Variants in LPIN2 observed in about 807,000 individuals in gnomAD.
The protein encoded by LPIN2 is phosphatidate phosphatase LPIN2.
Under a neutral mutation model 111.4 loss-of-function variants are expected in LPIN2, and 55 were observed. The ratio of observed to expected loss-of-function variants is 0.49; its 90% CI spans 0.40 to 0.62. The LOEUF is 0.62. LPIN2 is among the 20% of genes least tolerant of loss of function. The pLI, the probability that LPIN2 is intolerant of heterozygous loss-of-function variation, is 0.00. For missense variants in LPIN2, 992 were observed against 1,112.1 expected (o/e 0.89, Z 1.54); for synonymous variants, 425 against 414.0 (o/e 1.03, Z -0.32).
intron 4 of LPIN2, among the ~76,000 whole-genome samples, chr18:2,949,586 G>C (rs1323399602): frequency 6.6e-6 from 1 of 152,064 alleles, no homozygotes; most frequent in Non-Finnish European, 1.5e-5. Flanking sequence ...CAGCTAGTGA[G>C]CAATAAAACA....
At chr18:2,924,695 G>A (rs924417956) in intron 14 of LPIN2, 149 bp from the exon 15 acceptor site, 24 of 801,334 alleles carry the variant, frequency 3.0e-5, no homozygotes, top group Middle Eastern at 3.4e-4. Flanking sequence ...TGTGCCCAGC[G>A]CAGCTGACAA....
intron 4 of LPIN2, chr18:2,946,313 G>C: frequency 2.0e-6 from 3 of 1,517,974 alleles, no homozygotes; most frequent in Non-Finnish European, 2.7e-6. Flanking sequence ...CTTGACCTCA[G>C]GTTTGACTGG....
At chr18:2,984,644 C>A (rs540199000) in intron 1 of LPIN2, among the ~76,000 whole-genome samples, 1 of 152,022 alleles carries the variant, frequency 6.6e-6, no homozygotes, top group African/African-American at 2.4e-5. Flanking sequence ...AGAAAATATT[C>A]AACTGGATAG....
At chr18:3,003,433 C>T (rs527884776) in intron 1 of LPIN2, among the ~76,000 whole-genome samples, 1 of 152,264 alleles carries the variant, frequency 6.6e-6, no homozygotes, top group Non-Finnish European at 1.5e-5. Flanking sequence ...TGAACTGTTG[C>T]AGGAAGTCAG....
At position 2,920,438 on chromosome 18, in the gene LPIN2, C is replaced by G; in HGVS notation, c.2547-1G>C. ...CACGAGCTCACTCAGCCTGTGATAC[C>G]TAAGAGAAAGGTTGGGGAAGAGGCA... On this transcript the variant is annotated splice_acceptor_variant, in intron 19 of 19. Coordinates refer to ENST00000677752, the MANE Select transcript of LPIN2 (RefSeq NM_001375808.2). LOFTEE classifies it high-confidence loss of function. 6.2e-7 allele frequency: 1 copy of G among 1,613,624 alleles called. No homozygotes were observed. Among genetic ancestry groups the G allele is most frequent in the South Asian group, 1.1e-5 (1 of 91,084 alleles).
intron 1 of LPIN2, among the ~76,000 whole-genome samples, chr18:2,976,869 C>G (rs2078027013): frequency 6.6e-6 from 1 of 152,132 alleles, no homozygotes; most frequent in South Asian, 2.1e-4. Flanking sequence ...TTTGGATCCA[C>G]AGATATACAT....
chr18:3,002,143 CCA>C (rs2078442562), intron 1 of LPIN2, among the ~76,000 whole-genome samples: 1 of 149,358 alleles, frequency 6.7e-6, no homozygotes. Context: ...CATGAAGATA[CCA>C]CACTTACAGG....
chr18:2,920,383 C>T lies in LPIN2; in HGVS notation c.2601G>A (p.Glu867=). The stretch of plus-strand genomic sequence containing the variant: ...CCGGGCAGGGAAAAGCGGAATTCTG[C>T]TCCTTACTGAGAAGGGGGAACACAT... ...VEHVFPLLSK[E]QNSAFPCPEF... Residue 867 remains glutamate (E), a synonymous_variant, in exon 20 of 20, where the codon GAG becomes GAA. Transcript: ENST00000677752. 6.2e-7 allele frequency: 1 copy of T among 1,614,078 alleles called. No homozygotes were observed. Among genetic ancestry groups the T allele is most frequent in the Non-Finnish European group, 8.5e-7 (1 of 1,180,046 alleles).
intron 6 of LPIN2, 145 bp downstream of exon 6, chr18:2,939,335 T>C (rs1455247405): frequency 2.1e-6 from 2 of 951,338 alleles, no homozygotes; most frequent in African/African-American, 1.6e-5. Context: ...AATGTTAACT[T>C]TGAATTTACT....
At chr18:3,006,641 C>T (rs920305193) in intron 1 of LPIN2, among the ~76,000 whole-genome samples, 1 of 152,056 alleles carries the variant, frequency 6.6e-6, no homozygotes, top group African/African-American at 2.4e-5. Context: ...ATCGAGACCA[C>T]CCTGGCTAAC....
At chr18:2,996,467 CTTTTTTTTTTTTTT>C (rs1179106649) in intron 1 of LPIN2, among the ~76,000 whole-genome samples, 4 of 84,998 alleles carry the variant, frequency 4.7e-5, no homozygotes, top group South Asian at 4.5e-4. Flanking sequence ...AGGAAAATAT[CTTTTTTTTTTTTTT>C]TTTTTTTTTT....
chr18:2,971,869 G>A (rs2077921451), intron 1 of LPIN2, among the ~76,000 whole-genome samples: 1 of 151,608 alleles, frequency 6.6e-6, no homozygotes, highest in South Asian at 2.1e-4. Flanking sequence ...TGGCCAACAT[G>A]GTGAAACTCT....
rs569223822 is a variant in LPIN2, at chr18:2,989,567, T to C, written c.-10+23520A>G. Among the ~76,000 whole-genome samples the C allele has an allele frequency of 7.9e-5, 12 of 152,192 alleles. No homozygotes were observed. The East Asian group carries it at 2.3e-3, about 29-fold the overall frequency. The stretch of plus-strand genomic sequence containing the variant: ...TACAAGGGGCCCTGACTAGCCAAAA[T>C]AATACTGAAAAAGAGCTAAGTTGGA... On this transcript the variant is annotated intron_variant, in intron 1 of 19. Coordinates refer to ENST00000677752, the MANE Select transcript of LPIN2 (RefSeq NM_001375808.2).
intron 1 of LPIN2, among the ~76,000 whole-genome samples, chr18:2,991,598 G>A (rs1288359302): frequency 6.6e-6 from 1 of 152,104 alleles, no homozygotes; most frequent in Non-Finnish European, 1.5e-5. Flanking sequence ...TATAATCACA[G>A]CTCCTGAGAA....
At chr18:2,993,937 C>G (rs2078303477) in intron 1 of LPIN2, among the ~76,000 whole-genome samples, 1 of 152,200 alleles carries the variant, frequency 6.6e-6, no homozygotes, top group African/African-American at 2.4e-5. Context: ...TATGGTTAGT[C>G]TGCAGACCCC....
At chr18:2,982,027 T>G (rs2078118405) in intron 1 of LPIN2, among the ~76,000 whole-genome samples, 1 of 152,228 alleles carries the variant, frequency 6.6e-6, no homozygotes, top group Non-Finnish European at 1.5e-5. Context: ...TGATTTTGTT[T>G]CTTTAATGCA....
intron 4 of LPIN2, chr18:2,946,713 C>G (rs1234645796): frequency 1.7e-6 from 1 of 593,532 alleles, no homozygotes; most frequent in Non-Finnish European, 3.1e-6. Context: ...ATTATAGGTG[C>G]AACATGAATT....
intron 1 of LPIN2, chr18:2,977,026 G>A (rs2078029700): frequency 6.6e-6 from 1 of 152,138 alleles, no homozygotes; most frequent in Admixed American, 6.5e-5. Flanking sequence ...GGGCAACATG[G>A]AGAAACACAG....
chr18:2,954,392 A>T, intron 3 of LPIN2, 112 bp downstream of exon 3: 2 of 755,190 alleles, frequency 2.6e-6, no homozygotes, highest in Non-Finnish European at 4.7e-6. Flanking sequence ...TGTCTTGCCA[A>T]CAACAGTCCT....
Sources: gnomAD v4.1 joint callset for allele counts (sites outside exome capture counted in the v4.1 genomes callset) on GRCh38, gnomAD v4.1.1 for gene constraint, MANE v1.5 for transcripts, NCBI Gene and HGNC (gene_info 2026-07-23, HGNC 2026-07-21) for gene names.